The following HAUS3 variants were observed in gnomAD, a reference collection of about 807,000 sequenced individuals.
HAUS3 encodes HAUS augmin like complex subunit 3.
HAUS3 carries 36 observed loss-of-function variants against 55.2 expected under a neutral mutation model. That is an observed-to-expected ratio of 0.65 (90% confidence interval 0.50 to 0.86). The LOEUF is 0.86. HAUS3 is among the 40% of genes least tolerant of loss of function. The probability of loss-of-function intolerance (pLI) is 0.00; values close to 1 mark genes in which losing one functional copy is unlikely to be tolerated. For synonymous variants in HAUS3, 234 were observed against 238.6 expected (o/e 0.98, Z 0.18); for missense variants, 752 against 671.5 (o/e 1.12, Z -1.33).
Position 2,229,447 on chromosome 4 carries a change from T to G in HAUS3, c.*2480A>C, listed in dbSNP as rs571102151. Reference sequence around the variant, plus strand: ...AGCTAGAGGCTTAATCCAGGTATCATAGTAAATAGATAACTTATTTTCTAG... The same window carrying G: ...AGCTAGAGGCTTAATCCAGGTATCAGAGTAAATAGATAACTTATTTTCTAG... On this transcript the variant is annotated 3_prime_UTR_variant, in exon 6 of 6. Coordinates refer to ENST00000443786, the MANE Select transcript of HAUS3 (RefSeq NM_001303143.2). The G allele has an allele frequency of 3.5e-5, 14 of 400,604 alleles. No homozygotes were observed. In the South Asian group the frequency reaches 7.2e-4, roughly 21 times the overall value. The allele number at this position is 400,604 out of a possible 1,614,324, so 24.8% of individuals were successfully genotyped here.
chr4:2,239,543 C>G (rs901076393), intron 3 of HAUS3, among the ~76,000 whole-genome samples: 2 of 152,128 alleles, frequency 1.3e-5, no homozygotes, highest in Non-Finnish European at 2.9e-5. Flanking sequence ...AGTTATATTA[C>G]CAAGAAAACA....
intron 5 of HAUS3, among the ~76,000 whole-genome samples, chr4:2,235,084 C>A (rs1396471260): frequency 1.3e-5 from 2 of 152,308 alleles, no homozygotes; most frequent in East Asian, 1.9e-4. Flanking sequence ...TGGGGTTTCA[C>A]CACCTTGGCC....
rs1179218020 is a variant in HAUS3, at chr4:2,230,353, A to T, written c.*1574T>A. The T allele has an allele frequency of 6.6e-6, 1 of 152,162 alleles. No homozygotes were observed. Among genetic ancestry groups the T allele is most frequent in the South Asian group, 2.1e-4 (1 of 4,834 alleles). The allele number at this position is 152,162 out of a possible 1,614,324, so 9.4% of individuals were successfully genotyped here. ...ACATCTAAATATGTGACACTAATTTAAACAGAATATGCTACCATAAACCAG... is the reference window on the plus strand; with the variant it reads ...ACATCTAAATATGTGACACTAATTTTAACAGAATATGCTACCATAAACCAG... On this transcript the variant is annotated 3_prime_UTR_variant, in exon 6 of 6. Coordinates refer to ENST00000443786, the MANE Select transcript of HAUS3 (RefSeq NM_001303143.2).
At chr4:2,234,717 T>C (rs1434271118) in intron 5 of HAUS3, among the ~76,000 whole-genome samples, 1 of 151,932 alleles carries the variant, frequency 6.6e-6, no homozygotes, top group African/African-American at 2.4e-5. Flanking sequence ...CAAAACAATA[T>C]CAAGAGAAAA....
In HAUS3 at chr4:2,229,298, A is replaced by G. The variant is rs1221265597; in HGVS notation, c.*2629T>C. 2 of 1,350,936 alleles carry G rather than the reference A, an allele frequency of 1.5e-6. No homozygotes were observed. The highest frequency in any genetic ancestry group is 5.1e-5 in the Admixed American group (2 of 38,890). 83.7% of individuals were successfully genotyped at this position (1,350,936 alleles called of 1,614,324 possible). On this transcript the variant is annotated 3_prime_UTR_variant, in exon 6 of 6. Transcript: ENST00000443786. ...CCATATATTAATCCTAAGACTATAA[A>G]ACAGGAAATACAATTATTTTCAAAA...
At chr4:2,234,948 C>T (rs1161283855) in intron 5 of HAUS3, among the ~76,000 whole-genome samples, 7 of 152,266 alleles carry the variant, frequency 4.6e-5, no homozygotes, top group African/African-American at 9.6e-5. Context: ...TGCAGTGGCG[C>T]GATCTTGACT....
At chr4:2,234,280 G>A (rs1279791869) in intron 5 of HAUS3, 1 of 152,250 alleles carries the variant, frequency 6.6e-6, no homozygotes, top group Non-Finnish European at 1.5e-5. Context: ...TCAAAATTAA[G>A]AACTACAGGA....
In HAUS3 at chr4:2,229,080, G is replaced by A. The variant is rs369451459; in HGVS notation, c.*2847C>T. On this transcript the variant is annotated 3_prime_UTR_variant, in exon 6 of 6. Transcript: ENST00000443786. ...ATTCAAAGTATCAAGAGAAAGAAAG[G>A]TTCATAAAAATTACTTACTCTCTGT... 6.4e-7 allele frequency: 1 copy of A among 1,562,666 alleles called. No individual in the cohort carries two copies. Among genetic ancestry groups the A allele is most frequent in the East Asian group, 2.2e-5 (1 of 44,476 alleles).
In HAUS3 at chr4:2,232,147, TG is replaced by T. The variant is rs1734605687; in HGVS notation, c.1591del (p.Gln531SerfsTer9). The T allele has an allele frequency of 5.9e-6, 9 of 1,523,354 alleles. No homozygotes were observed. Among genetic ancestry groups the T allele is most frequent in the Non-Finnish European group, 8.0e-6 (9 of 1,126,812 alleles). 94.4% of individuals were successfully genotyped at this position (1,523,354 alleles called of 1,614,324 possible). ...LLLSDQELTE[Q>X]FHKVESQLNK... ...CAGTTGAGATTCAACTTTATGAAACTGCTCTGTTAACTCCTAAAAAAGGAAA... is the reference window on the plus strand; with the variant it reads ...CAGTTGAGATTCAACTTTATGAAACTCTCTGTTAACTCCTAAAAAAGGAAA... On this transcript the variant is annotated frameshift_variant, in exon 6 of 6. Coordinates refer to ENST00000443786, the MANE Select transcript of HAUS3 (RefSeq NM_001303143.2). LOFTEE classifies it high-confidence loss of function.
In HAUS3 at chr4:2,240,284, CTGT is replaced by C. The variant is rs766937815; in HGVS notation, c.660_662del (p.Gln221del). ...CTACTTCATGTATACCCTGAAAGAA[CTGT>C]TTTTTGGTATACAAAGTTAATGCTG... On this transcript the variant is annotated inframe_deletion, in exon 3 of 6. Transcript: ENST00000443786. 6.2e-7 allele frequency: 1 copy of C among 1,612,996 alleles called. No homozygotes were observed. The highest frequency in any genetic ancestry group is 8.5e-7 in the Non-Finnish European group (1 of 1,179,306).
rs910625666 is a variant in HAUS3 at position 2,231,024 on chromosome 4, G to A, written c.*903C>T. On this transcript the variant is annotated 3_prime_UTR_variant, in exon 6 of 6. Transcript: ENST00000443786. ...TTTGAAAGTCATTTATGATGTGTAAGTCACATTAAAGTCAAAGCACTGCTC... is the reference window on the plus strand; with the variant it reads ...TTTGAAAGTCATTTATGATGTGTAAATCACATTAAAGTCAAAGCACTGCTC... The A allele has an allele frequency of 6.6e-6, 1 of 152,178 alleles. No individual in the cohort carries two copies. The highest frequency in any genetic ancestry group is 2.4e-5 in the African/African-American group (1 of 41,430). The allele number at this position is 152,178 out of a possible 1,614,324, so 9.4% of individuals were successfully genotyped here.
chr4:2,236,738 C>A (rs1734781670), intron 4 of HAUS3, among the ~76,000 whole-genome samples: 1 of 151,858 alleles, frequency 6.6e-6, no homozygotes, highest in Non-Finnish European at 1.5e-5. Flanking sequence ...CGGCATGCAC[C>A]TATAGTCCCA....
In HAUS3 at chr4:2,240,181, C is replaced by G; in HGVS notation, c.766G>C (p.Glu256Gln). ...PSICDNQEIL[E>Q]ERRLEMARLQ... ...CTAGCCATCTCTAGTCGTCTCTCCT[C>G]AAGGATTTCTTGATTATCACAAATA... The change falls in exon 3 of 6, where the codon GAG becomes CAG. Residue 256 changes from glutamate to glutamine, a missense_variant. Physicochemically the swap from Glu to Gln is conservative, Grantham distance 29 (BLOSUM62 2). Coordinates refer to ENST00000443786, the MANE Select transcript of HAUS3 (RefSeq NM_001303143.2). 1.2e-6 allele frequency: 2 copies of G among 1,614,106 alleles called. No homozygotes were observed. Among genetic ancestry groups the G allele is most frequent in the Non-Finnish European group, 1.7e-6 (2 of 1,179,976 alleles).
Position 2,228,790 on chromosome 4 carries a change from A to G in HAUS3, c.*3137T>C, listed in dbSNP as rs1734474977. 1 of 264,608 alleles carries G rather than the reference A, an allele frequency of 3.8e-6. No individual in the cohort carries two copies. Among genetic ancestry groups the G allele is most frequent in the Non-Finnish European group, 7.2e-6 (1 of 139,034 alleles). 16.4% of individuals were successfully genotyped at this position (264,608 alleles called of 1,614,324 possible). On this transcript the variant is annotated 3_prime_UTR_variant, in exon 6 of 6. Coordinates refer to ENST00000443786, the MANE Select transcript of HAUS3 (RefSeq NM_001303143.2). ...ACACAAAATAGCAAATACTATGTAC[A>G]GGTTTGATGACCTGAGAACCAAGAT... is the stretch of plus-strand genomic sequence containing the variant.
rs1390577649 is a variant in HAUS3 at position 2,229,309 on chromosome 4, C to G, written c.*2618G>C. The stretch of plus-strand genomic sequence containing the variant: ...TCCTAAGACTATAAAACAGGAAATA[C>G]AATTATTTTCAAAAATTTATATACC... On this transcript the variant is annotated 3_prime_UTR_variant, in exon 6 of 6. Transcript: ENST00000443786. The G allele has an allele frequency of 1.2e-5, 15 of 1,268,556 alleles. No individual in the cohort carries two copies. The highest frequency in any genetic ancestry group is 1.6e-5 in the African/African-American group (1 of 64,302). The allele number at this position is 1,268,556 out of a possible 1,614,324, so 78.6% of individuals were successfully genotyped here. A position where few individuals can be genotyped will look rare whatever the true frequency, so the allele number is the denominator to read the frequency against.
rs1279461200 is a variant in HAUS3 at position 2,231,052 on chromosome 4, C to G, written c.*875G>C. On this transcript the variant is annotated 3_prime_UTR_variant, in exon 6 of 6. Coordinates refer to ENST00000443786, the MANE Select transcript of HAUS3 (RefSeq NM_001303143.2). ...ACATTAAAGTCAAAGCACTGCTCAGCTGTCTTGTAGAAACTTTTGAGTCCC... is the reference window on the plus strand; with the variant it reads ...ACATTAAAGTCAAAGCACTGCTCAGGTGTCTTGTAGAAACTTTTGAGTCCC... 6.6e-6 allele frequency: 1 copy of G among 152,184 alleles called. No individual in the cohort carries two copies. The highest frequency in any genetic ancestry group is 2.4e-5 in the African/African-American group (1 of 41,452). The allele number at this position is 152,184 out of a possible 1,614,324, so 9.4% of individuals were successfully genotyped here.
intron 4 of HAUS3, 49 bp downstream of exon 4, chr4:2,238,555 G>A (rs1240478872): frequency 7.9e-6 from 10 of 1,270,784 alleles, no homozygotes; most frequent in African/African-American, 4.5e-5. Flanking sequence ...CTAGTATTTC[G>A]CAAAAACAAA....
chr4:2,236,756 C>T lies in HAUS3; in HGVS notation c.1350-300G>A, dbSNP rs973655974. On this transcript the variant is annotated intron_variant, in intron 4 of 5. Transcript: ENST00000443786. ...CATGCACCTATAGTCCCAGATACTC[C>T]GGAGGCTGAGGCAGGAGGATTGCTT... 5.3e-5 allele frequency among the ~76,000 whole-genome samples: 8 copies of T among 151,776 alleles called. No homozygotes were observed. The East Asian group carries it at 9.7e-4, about 18-fold the overall frequency.
Position 2,229,316 on chromosome 4 carries a change from T to C in HAUS3, c.*2611A>G, listed in dbSNP as rs1278106334. On this transcript the variant is annotated 3_prime_UTR_variant, in exon 6 of 6. Coordinates refer to ENST00000443786, the MANE Select transcript of HAUS3 (RefSeq NM_001303143.2). ...ACTATAAAACAGGAAATACAATTAT[T>C]TTCAAAAATTTATATACCAACTTTC... 2 of 1,226,438 alleles carry C rather than the reference T, an allele frequency of 1.6e-6. No individual in the cohort carries two copies. Among genetic ancestry groups the C allele is most frequent in the African/African-American group, 3.2e-5 (2 of 63,348 alleles). The allele number at this position is 1,226,438 out of a possible 1,614,324, so 76.0% of individuals were successfully genotyped here. A position where few individuals can be genotyped will look rare whatever the true frequency, so the allele number is the denominator to read the frequency against.
Sources: allele counts gnomAD v4.1 joint callset (sites outside exome capture counted in the v4.1 genomes callset), GRCh38; gene constraint gnomAD v4.1.1; transcripts MANE v1.5; gene names NCBI Gene and HGNC (gene_info 2026-07-23, HGNC 2026-07-21).